Variants in PTPRN2 observed in about 807,000 individuals in gnomAD.
PTPRN2 encodes the protein protein tyrosine phosphatase receptor type N2.
A neutral mutation model predicts 118.8 loss-of-function variants in PTPRN2; 74 were observed. The observed-to-expected ratio is 0.62, with a 90% confidence interval of 0.52 to 0.76. The LOEUF (loss-of-function observed/expected upper bound fraction) is 0.76. Among genes scored for constraint, PTPRN2 ranks in the 30% least tolerant of loss-of-function variants. The probability of loss-of-function intolerance (pLI) is 0.00; values close to 1 mark genes in which losing one functional copy is unlikely to be tolerated. For missense variants in PTPRN2, 1,481 were observed against 1,394.4 expected (o/e 1.06, Z -0.99); for synonymous variants, 641 against 608.0 (o/e 1.05, Z -0.80).
intron 3 of PTPRN2, among the ~76,000 whole-genome samples, chr7:158,273,564 G>A (rs181592188): frequency 0.013 from 757 of 59,206 alleles, 123 homozygotes; most frequent in African/African-American, 0.071. Context: ...AGGGGGAGCC[G>A]CAGGCACAGG....
In PTPRN2 at chr7:158,381,683, C is replaced by T. The variant is rs145575561; in HGVS notation, c.164-64751G>A. Among the ~76,000 whole-genome samples, 444 of 152,248 alleles carry T rather than the reference C, an allele frequency of 2.9e-3. 2 individuals are homozygous for T. The highest frequency in any genetic ancestry group is 8.9e-3 in the African/African-American group (368 of 41,536). ...TATCTACAGCAGTGCCCCACTCTAC[C>T]GGTACCAATTTACTGTATTAGTCTG... On this transcript the variant is annotated intron_variant, in intron 2 of 22. Coordinates refer to ENST00000389418, the MANE Select transcript of PTPRN2 (RefSeq NM_002847.5).
chr7:158,033,228 A>G (rs934920461), intron 11 of PTPRN2, among the ~76,000 whole-genome samples: 5 of 124,276 alleles, frequency 4.0e-5, no homozygotes, highest in African/African-American at 1.7e-4. Context: ...TGGAGCCATC[A>G]GGGCCACACA....
chr7:158,506,498 G>C (rs918997193), intron 1 of PTPRN2, among the ~76,000 whole-genome samples: 3 of 151,996 alleles, frequency 2.0e-5, no homozygotes, highest in African/African-American at 7.2e-5. Flanking sequence ...ACCCACCCAG[G>C]CCACCTCCCG....
intron 2 of PTPRN2, among the ~76,000 whole-genome samples, chr7:158,319,474 A>AGCCTCCCTCACACACACCCAC (rs1256486494): frequency 1.8e-5 from 1 of 54,404 alleles, no homozygotes; most frequent in Non-Finnish European, 3.6e-5. Flanking sequence ...CCTCACACAC[A>AGCCTCCCTCACACACACCCAC]AGCACAGCCT....
chr7:158,038,084 G>T (rs1808209259), intron 11 of PTPRN2, among the ~76,000 whole-genome samples: 1 of 152,204 alleles, frequency 6.6e-6, no homozygotes, highest in Admixed American at 6.5e-5. Context: ...CAGTCAACAG[G>T]CTCTGCACTA....
intron 4 of PTPRN2, among the ~76,000 whole-genome samples, chr7:158,202,520 C>G (rs2150737422): frequency 6.6e-6 from 1 of 152,302 alleles, no homozygotes; most frequent in East Asian, 1.9e-4. Flanking sequence ...CTGGGTGCAG[C>G]TTGTTCCAAA....
chr7:158,071,271 G>A (rs1585334604), intron 11 of PTPRN2, among the ~76,000 whole-genome samples: 1 of 116,058 alleles, frequency 8.6e-6, no homozygotes, highest in Admixed American at 8.5e-5. Context: ...CGTGGTGGTG[G>A]AGGTGCCCGT....
intron 3 of PTPRN2, among the ~76,000 whole-genome samples, chr7:158,220,654 T>A (rs1354613938): frequency 6.6e-6 from 1 of 152,024 alleles, no homozygotes; most frequent in Non-Finnish European, 1.5e-5. Context: ...CCTAAGGTTA[T>A]AGCTAACCAA....
At chr7:158,298,547 G>A (rs763791855) in intron 3 of PTPRN2, among the ~76,000 whole-genome samples, 4 of 152,182 alleles carry the variant, frequency 2.6e-5, no homozygotes, top group Non-Finnish European at 5.9e-5. Flanking sequence ...ATAATTTTGT[G>A]CACATAACAA....
intron 12 of PTPRN2, among the ~76,000 whole-genome samples, chr7:157,800,662 A>G (rs1238748757): frequency 6.6e-6 from 1 of 152,180 alleles, no homozygotes; most frequent in Non-Finnish European, 1.5e-5. Context: ...CTTTTAAAAT[A>G]TGAATACCTG....
intron 12 of PTPRN2, among the ~76,000 whole-genome samples, chr7:157,685,119 C>T (rs1731192304): frequency 6.6e-6 from 1 of 152,070 alleles, no homozygotes; most frequent in Admixed American, 6.5e-5. Flanking sequence ...CCCGCCTGGC[C>T]TTGGCCGACG....
chr7:157,706,272 G>A (rs1424037421), intron 12 of PTPRN2, among the ~76,000 whole-genome samples: 5 of 150,992 alleles, frequency 3.3e-5, no homozygotes, highest in South Asian at 4.2e-4. Flanking sequence ...TGGGAACTGC[G>A]TGAATCTGAC....
chr7:157,853,913 C>T (rs150740732), intron 12 of PTPRN2, among the ~76,000 whole-genome samples: 5 of 152,270 alleles, frequency 3.3e-5, no homozygotes, highest in East Asian at 1.9e-4. Flanking sequence ...TTATCAAAGG[C>T]GGAGATGCGG....
chr7:158,441,979 G>A (rs1279303738), intron 2 of PTPRN2, among the ~76,000 whole-genome samples: 1 of 144,670 alleles, frequency 6.9e-6, no homozygotes, highest in Non-Finnish European at 1.5e-5. Flanking sequence ...TGGCAGTGGT[G>A]GTGGTGGTGA....
At chr7:157,773,041 G>C (rs1230877275) in intron 12 of PTPRN2, among the ~76,000 whole-genome samples, 1 of 152,182 alleles carries the variant, frequency 6.6e-6, no homozygotes, top group Non-Finnish European at 1.5e-5. Context: ...CCCAGAACTG[G>C]ATCCAGGCCT....
chr7:158,397,535 T>C (rs1486519723), intron 2 of PTPRN2, among the ~76,000 whole-genome samples: 1 of 152,072 alleles, frequency 6.6e-6, no homozygotes, highest in Non-Finnish European at 1.5e-5. Flanking sequence ...TCCAGAGAAA[T>C]AGTGTGTCCT....
At chr7:158,297,940 G>C (rs1439408171) in intron 3 of PTPRN2, among the ~76,000 whole-genome samples, 2 of 152,104 alleles carry the variant, frequency 1.3e-5, no homozygotes, top group African/African-American at 2.4e-5. Flanking sequence ...ACTAACTCAA[G>C]TTTTCTTTAC....
chr7:157,661,235 T>G (rs1037936007), intron 13 of PTPRN2, among the ~76,000 whole-genome samples: 2 of 152,198 alleles, frequency 1.3e-5, no homozygotes, highest in African/African-American at 4.8e-5. Context: ...TTCTTGAAGG[T>G]CTTAACTTTT....
At chr7:158,164,190 G>A (rs76014172) in intron 6 of PTPRN2, among the ~76,000 whole-genome samples, 129 of 151,566 alleles carry the variant, frequency 8.5e-4, no homozygotes, top group African/African-American at 2.9e-3. Flanking sequence ...GAAGCTCCCC[G>A]GTGCATAAGA....
Sources: allele counts gnomAD v4.1 joint callset (sites outside exome capture counted in the v4.1 genomes callset), GRCh38; gene constraint gnomAD v4.1.1; transcripts MANE v1.5; gene names NCBI Gene and HGNC (gene_info 2026-07-23, HGNC 2026-07-21).